The following TCF12 variants were observed in gnomAD, a reference collection of about 807,000 sequenced individuals.
The protein encoded by TCF12 is DNA-binding protein HTF4.
A neutral mutation model predicts 86.0 loss-of-function variants in TCF12; 45 were observed. The ratio of observed to expected loss-of-function variants is 0.52; its 90% CI spans 0.41 to 0.67. The LOEUF is 0.67. Among genes scored for constraint, TCF12 ranks in the 30% least tolerant of loss-of-function variants. The pLI is 0.00. For missense variants in TCF12, 881 were observed against 859.9 expected (o/e 1.02, Z -0.31); for synonymous variants, 330 against 299.6 (o/e 1.10, Z -1.05).
At chr15:57,012,269 T>C (rs145157950) in intron 3 of TCF12, among the ~76,000 whole-genome samples, 7 of 152,318 alleles carry the variant, frequency 4.6e-5, no homozygotes, top group African/African-American at 1.7e-4. Flanking sequence ...GAAAGAAGTG[T>C]TGTCCTAGCC....
intron 3 of TCF12, among the ~76,000 whole-genome samples, chr15:57,007,412 G>A (rs1232241664): frequency 6.6e-6 from 1 of 152,142 alleles, no homozygotes; most frequent in African/African-American, 2.4e-5. Context: ...TTCTGTTTGA[G>A]GAGGACAATC....
chr15:56,944,482 TAAAA>T (rs2060910312), intron 3 of TCF12, among the ~76,000 whole-genome samples: 1 of 152,198 alleles, frequency 6.6e-6, no homozygotes, highest in Non-Finnish European at 1.5e-5. Flanking sequence ...ACAAGGGAAT[TAAAA>T]AATAAGTCAC....
intron 5 of TCF12, among the ~76,000 whole-genome samples, chr15:57,138,818 C>T (rs147090196): frequency 1.8e-4 from 27 of 152,144 alleles, no homozygotes; most frequent in Non-Finnish European, 2.8e-4. Flanking sequence ...TTTTTAAGCG[C>T]GTGCTACCAA....
chr15:57,056,504 G>C (rs962651925), intron 3 of TCF12, among the ~76,000 whole-genome samples: 2 of 152,066 alleles, frequency 1.3e-5, no homozygotes, highest in Non-Finnish European at 2.9e-5. Context: ...TGTCACCAAA[G>C]CTGGAGTGCA....
In TCF12 at chr15:57,062,016, G is replaced by A. The variant is rs559539051; in HGVS notation, c.149-1734G>A. Among the ~76,000 whole-genome samples the A allele has an allele frequency of 2.0e-5, 3 of 152,048 alleles. No individual in the cohort carries two copies. The South Asian group carries it at 6.2e-4, about 32-fold the overall frequency. ...CTGTCACCCAGGCTGGAGTGCAGTG[G>A]CACAATCTCGGCTCACTGCAACCTC... On this transcript the variant is annotated intron_variant, in intron 3 of 20. Coordinates refer to ENST00000333725, the MANE Select transcript of TCF12 (RefSeq NM_207037.2).
chr15:57,256,664 A>C (rs930641924), intron 16 of TCF12, among the ~76,000 whole-genome samples: 1 of 149,456 alleles, frequency 6.7e-6, no homozygotes, highest in African/African-American at 2.5e-5. Flanking sequence ...CTAATAATGG[A>C]GGCTATATGG....
At chr15:57,075,835 T>TTTTCTTTCTTTCTTTCTTTCTTTCTTTC (rs143626916) in intron 4 of TCF12, among the ~76,000 whole-genome samples, 789 of 49,990 alleles carry the variant, frequency 0.016, 121 homozygotes, top group Middle Eastern at 0.061. Context: ...TCTCTCTCTC[T>TTTTCTTTCTTTCTTTCTTTCTTTCTTTC]TTTCTTTCTT....
At chr15:57,099,868 GT>G (rs545582921) in intron 5 of TCF12, among the ~76,000 whole-genome samples, 86 of 144,750 alleles carry the variant, frequency 5.9e-4, no homozygotes, top group East Asian at 8.0e-4. Flanking sequence ...ATATTTCAGA[GT>G]TTTTTTTTTT....
At chr15:57,276,621 T>TA (rs1183894632) in intron 19 of TCF12, among the ~76,000 whole-genome samples, 2 of 151,814 alleles carry the variant, frequency 1.3e-5, no homozygotes, top group South Asian at 2.1e-4. Flanking sequence ...AGCATTCGGG[T>TA]AAAAAAAATA....
intron 5 of TCF12, among the ~76,000 whole-genome samples, chr15:57,094,162 A>G (rs2049167667): frequency 6.6e-6 from 1 of 152,196 alleles, no homozygotes; most frequent in Non-Finnish European, 1.5e-5. Flanking sequence ...TGTTGCAATT[A>G]TAGGCATGAG....
chr15:57,233,097 G>A (rs944448187), intron 11 of TCF12, among the ~76,000 whole-genome samples: 21 of 148,582 alleles, frequency 1.4e-4, no homozygotes, highest in Admixed American at 1.1e-3. Flanking sequence ...TGTATATATA[G>A]GTATATATGT....
rs2054901353 is a variant in TCF12 at position 57,166,460 on chromosome 15, C to T, written c.384C>T (p.Gly128=). Residue 128 remains glycine, a synonymous_variant, in exon 6 of 21, where the codon GGC becomes GGT. Transcript: ENST00000333725. ...ACAGCAGAGATACTGGATTACCAGG[C>T]TGTCAAGTAAGTTTAATGATTAAAA... The part of the protein sequence containing the change: ...SLYSRDTGLP[G]CQSSLLRQDL... 6.2e-7 allele frequency: 1 copy of T among 1,611,450 alleles called. No individual in the cohort carries two copies. Among genetic ancestry groups the T allele is most frequent in the Admixed American group, 1.7e-5 (1 of 59,784 alleles).
intron 3 of TCF12, among the ~76,000 whole-genome samples, chr15:56,976,034 C>T (rs1259848871): frequency 6.6e-6 from 1 of 151,686 alleles, no homozygotes; most frequent in African/African-American, 2.4e-5. Flanking sequence ...TTGAGCCACA[C>T]CGTATATGTT....
chr15:57,206,722 A>T (rs2057833478), intron 8 of TCF12, among the ~76,000 whole-genome samples: 1 of 150,278 alleles, frequency 6.7e-6, no homozygotes, highest in South Asian at 2.1e-4. Context: ...TGAACCCAGG[A>T]GGTGGAGAGT....
At chr15:57,250,174 C>A (rs1218998161) in intron 13 of TCF12, among the ~76,000 whole-genome samples, 1 of 151,924 alleles carries the variant, frequency 6.6e-6, no homozygotes, top group African/African-American at 2.4e-5. Context: ...ATAGATGACC[C>A]CAAGATCATT....
chr15:57,038,065 C>T (rs2066630855), intron 3 of TCF12, among the ~76,000 whole-genome samples: 1 of 152,118 alleles, frequency 6.6e-6, no homozygotes, highest in Non-Finnish European at 1.5e-5. Flanking sequence ...AATTCCTGTT[C>T]TAATTTTATT....
intron 3 of TCF12, among the ~76,000 whole-genome samples, chr15:56,922,120 G>A (rs1222626493): frequency 6.6e-6 from 1 of 151,880 alleles, no homozygotes; most frequent in African/African-American, 2.4e-5. Context: ...TTTGAAAATT[G>A]TTACTTTTTG....
intron 5 of TCF12, among the ~76,000 whole-genome samples, chr15:57,097,017 T>C (rs768902729): frequency 7.2e-5 from 11 of 152,168 alleles, no homozygotes. Context: ...TCCATTTCAT[T>C]GTAGATTGCA....
At chr15:56,973,026 AG>A (rs2062416340) in intron 3 of TCF12, among the ~76,000 whole-genome samples, 1 of 152,150 alleles carries the variant, frequency 6.6e-6, no homozygotes, top group Admixed American at 6.5e-5. Flanking sequence ...TTGAGCAAAT[AG>A]GTAAATATTT....
Sources: gnomAD v4.1 joint callset for allele counts (sites outside exome capture counted in the v4.1 genomes callset) on GRCh38, gnomAD v4.1.1 for gene constraint, MANE v1.5 for transcripts, NCBI Gene and HGNC (gene_info 2026-07-23, HGNC 2026-07-21) for gene names.